The following RBFOX1 variants were observed in gnomAD, a reference collection of about 807,000 sequenced individuals.
RBFOX1 encodes the protein RNA binding fox-1 homolog 1, also known as RNA binding protein fox-1 homolog 1.
In RBFOX1, 8 loss-of-function variants were observed where a neutral mutation model predicts 57.7. The ratio of observed to expected loss-of-function variants is 0.14; its 90% CI spans 0.08 to 0.25. RBFOX1 has a LOEUF of 0.25. RBFOX1 is among the 10% of genes least tolerant of loss of function. The pLI is 1.00. For missense variants in RBFOX1, 611 were observed against 548.5 expected (o/e 1.11, Z -1.14); for synonymous variants, 326 against 222.4 (o/e 1.47, Z -4.15).
intron 4 of RBFOX1, among the ~76,000 whole-genome samples, chr16:7,116,202 A>C (rs2065870479): frequency 1.3e-5 from 2 of 152,136 alleles, no homozygotes; most frequent in Non-Finnish European, 2.9e-5. Context: ...CTTAGGTCTC[A>C]GTTCATTTTC....
intron 3 of RBFOX1, among the ~76,000 whole-genome samples, chr16:5,612,954 A>G (rs1314406148): frequency 1.3e-5 from 2 of 152,212 alleles, no homozygotes; most frequent in African/African-American, 2.4e-5. Flanking sequence ...GCACATAGAA[A>G]GGACTCAATC....
chr16:5,611,719 T>TATCCATCCATCCATCCATCCATCC (rs61156757), intron 3 of RBFOX1, among the ~76,000 whole-genome samples: 3,271 of 114,598 alleles, frequency 0.029, 249 homozygotes, highest in African/African-American at 0.1. Flanking sequence ...TCCATCCATC[T>TATCCATCCATCCATCCATCCATCC]ATCCATCCAT....
intron 3 of RBFOX1, among the ~76,000 whole-genome samples, chr16:6,993,140 T>C (rs894910654): frequency 4.6e-5 from 7 of 152,180 alleles, no homozygotes; most frequent in Admixed American, 6.5e-5. Context: ...TGGACTGAAC[T>C]GTAACACTGA....
At chr16:6,512,605 C>G (rs1385910482) in intron 2 of RBFOX1, among the ~76,000 whole-genome samples, 1 of 152,118 alleles carries the variant, frequency 6.6e-6, no homozygotes, top group African/African-American at 2.4e-5. Context: ...ATGACTGATC[C>G]TAGGAAATGT....
At chr16:6,141,300 T>C (rs2096714004) in intron 1 of RBFOX1, among the ~76,000 whole-genome samples, 1 of 152,232 alleles carries the variant, frequency 6.6e-6, no homozygotes, top group Admixed American at 6.5e-5. Context: ...ATGAGGGTTG[T>C]TCTTTTACAA....
At chr16:6,651,567 T>C (rs1444539393) in intron 2 of RBFOX1, among the ~76,000 whole-genome samples, 1 of 152,164 alleles carries the variant, frequency 6.6e-6, no homozygotes, top group Non-Finnish European at 1.5e-5. Context: ...CAAGTGCCCA[T>C]GAGGATGTGG....
intron 4 of RBFOX1, among the ~76,000 whole-genome samples, chr16:7,470,422 T>C (rs1283858481): frequency 2.0e-5 from 3 of 152,048 alleles, no homozygotes; most frequent in Non-Finnish European, 1.5e-5. Context: ...GATGGATGGA[T>C]AGAGGGATGG....
intron 4 of RBFOX1, among the ~76,000 whole-genome samples, chr16:7,284,967 C>G (rs1035884385): frequency 1.3e-5 from 2 of 151,986 alleles, no homozygotes; most frequent in African/African-American, 2.4e-5. Context: ...CACCTTTCTC[C>G]TCGCCAACGC....
chr16:6,675,015 C>A (rs527960618), intron 3 of RBFOX1, among the ~76,000 whole-genome samples: 1 of 152,232 alleles, frequency 6.6e-6, no homozygotes, highest in African/African-American at 2.4e-5. Flanking sequence ...AAGCCATTCT[C>A]GTGCCTCAGC....
intron 3 of RBFOX1, among the ~76,000 whole-genome samples, chr16:7,021,428 GTA>G (rs374629317): frequency 0.018 from 2,440 of 138,282 alleles, 36 homozygotes; most frequent in East Asian, 0.079. Flanking sequence ...TTATATATTT[GTA>G]TATATGTTTT....
At chr16:5,347,910 T>TC (rs529482046) in intron 1 of RBFOX1, among the ~76,000 whole-genome samples, 1 of 26,840 alleles carries the variant, frequency 3.7e-5, no homozygotes, top group African/African-American at 1.6e-4. Flanking sequence ...ATCCACCCCC[T>TC]CCCCCCCATC....
intron 4 of RBFOX1, among the ~76,000 whole-genome samples, chr16:7,112,493 C>A (rs1036732413): frequency 1.3e-5 from 2 of 152,026 alleles, no homozygotes; most frequent in Non-Finnish European, 2.9e-5. Context: ...AGGCATGAGC[C>A]ACCGTGCCCA....
chr16:6,888,476 CA>C lies in RBFOX1; in HGVS notation c.-15-163580del, dbSNP rs535886496. ...ACTGTCTTGGGTTTCATTTTCGGTT[CA>C]GGGGGAAATTAAATTCCCTTGCAAT... On this transcript the variant is annotated intron_variant, in intron 3 of 15. Coordinates refer to ENST00000550418, the MANE Select transcript of RBFOX1 (RefSeq NM_018723.4). Among the ~76,000 whole-genome samples, 328 of 152,180 alleles carry C rather than the reference CA, an allele frequency of 2.2e-3. 1 individual carries two copies. The highest frequency in any genetic ancestry group is 3.5e-3 in the Admixed American group (53 of 15,284).
At chr16:5,591,252 CTTTTT>C (rs35415642) in intron 2 of RBFOX1, among the ~76,000 whole-genome samples, 1 of 141,596 alleles carries the variant, frequency 7.1e-6, no homozygotes, top group African/African-American at 2.6e-5. Context: ...CAAAATGAAC[CTTTTT>C]TTTTTTTTTT....
intron 3 of RBFOX1, among the ~76,000 whole-genome samples, chr16:6,908,425 C>CCA (rs2070660426): frequency 6.8e-6 from 1 of 146,168 alleles, no homozygotes. Flanking sequence ...GACTTTTCCA[C>CCA]TGATACCTCT....
rs560636206 is a variant in RBFOX1, at chr16:6,238,007, C to G, written c.-126-78988C>G. Among the ~76,000 whole-genome samples the G allele has an allele frequency of 4.1e-5, 6 of 147,382 alleles. No homozygotes were observed. The South Asian group carries it at 8.7e-4, about 21-fold the overall frequency. ...TCGGGAGGCTGAGGCAGGAGAATGA[C>G]TTGAACCTGGGAGGCAGAGATTGCA... On this transcript the variant is annotated intron_variant, in intron 1 of 15. Coordinates refer to ENST00000550418, the MANE Select transcript of RBFOX1 (RefSeq NM_018723.4).
intron 3 of RBFOX1, among the ~76,000 whole-genome samples, chr16:6,817,056 A>C (rs537265911): frequency 2.7e-4 from 41 of 152,132 alleles, no homozygotes; most frequent in African/African-American, 9.7e-4. Context: ...CCTCTTTGAC[A>C]TAATTTTTGC....
At chr16:5,246,928 C>T (rs1244725628) in intron 1 of RBFOX1, among the ~76,000 whole-genome samples, 1 of 152,160 alleles carries the variant, frequency 6.6e-6, no homozygotes, top group African/African-American at 2.4e-5. Context: ...GCCTCAGCCT[C>T]CCAAAGTGCT....
At chr16:5,770,786 C>T (rs1329872126) in intron 3 of RBFOX1, among the ~76,000 whole-genome samples, 3 of 152,210 alleles carry the variant, frequency 2.0e-5, no homozygotes, top group African/African-American at 7.2e-5. Flanking sequence ...ATGTGGGTGG[C>T]CTAGAAGAAA....
Sources: allele counts gnomAD v4.1 joint callset (sites outside exome capture counted in the v4.1 genomes callset), GRCh38; gene constraint gnomAD v4.1.1; transcripts MANE v1.5; gene names NCBI Gene and HGNC (gene_info 2026-07-23, HGNC 2026-07-21).